Variants in LRRC4C observed in about 807,000 individuals in gnomAD.
LRRC4C encodes the protein leucine rich repeat containing 4C.
A neutral mutation model predicts 33.6 loss-of-function variants in LRRC4C; 5 were observed. The observed-to-expected ratio is 0.15, with a 90% CI of 0.08 to 0.31. The LOEUF (loss-of-function observed/expected upper bound fraction) is 0.31. Among genes scored for constraint, LRRC4C ranks in the 10% least tolerant of loss-of-function variants. LRRC4C has a pLI of 1.00. For missense variants in LRRC4C, 560 were observed against 796.7 expected, an observed-to-expected ratio of 0.70 and a Z score of 3.58; for synonymous variants, 329 against 302.0, an observed-to-expected ratio of 1.09 and a Z score of -0.93.
chr11:40,369,747 A>G (rs75136391), intron 3 of LRRC4C, among the ~76,000 whole-genome samples: 4,720 of 152,308 alleles, frequency 0.031, 230 homozygotes, highest in African/African-American at 0.1. Flanking sequence ...TTGTGGGATG[A>G]CTAGATTGAG....
At chr11:41,083,884 A>G (rs1939763514) in intron 1 of LRRC4C, among the ~76,000 whole-genome samples, 1 of 152,190 alleles carries the variant, frequency 6.6e-6, no homozygotes, top group South Asian at 2.1e-4. Flanking sequence ...TTTGGCAAAT[A>G]GGTAGAGAAT....
intron 2 of LRRC4C, among the ~76,000 whole-genome samples, chr11:40,828,462 C>A (rs551245663): frequency 8.3e-4 from 126 of 151,770 alleles, no homozygotes; most frequent in Non-Finnish European, 1.4e-3. Flanking sequence ...GGAACAAATT[C>A]TTTATATATA....
At chr11:40,241,834 C>A (rs551327916) in intron 4 of LRRC4C, 1 of 152,332 alleles carries the variant, frequency 6.6e-6, no homozygotes, top group Non-Finnish European at 1.5e-5. Context: ...CCACCACAGA[C>A]AAGCAAAGCA....
At chr11:40,680,753 T>C (rs1944646364) in intron 2 of LRRC4C, among the ~76,000 whole-genome samples, 2 of 152,218 alleles carry the variant, frequency 1.3e-5, no homozygotes, top group African/African-American at 2.4e-5. Flanking sequence ...CAATCTCAGG[T>C]ATGTCTTTAT....
intron 3 of LRRC4C, among the ~76,000 whole-genome samples, chr11:40,333,523 C>A (rs976543617): frequency 5.9e-5 from 9 of 151,904 alleles, no homozygotes; most frequent in African/African-American, 1.9e-4. Context: ...TCGAGACCAG[C>A]ATGGCCAACA....
At chr11:40,847,411 G>A (rs1283559148) in intron 2 of LRRC4C, among the ~76,000 whole-genome samples, 6 of 152,144 alleles carry the variant, frequency 3.9e-5, no homozygotes, top group Admixed American at 6.6e-5. Flanking sequence ...TAATCATGTG[G>A]TTTTTGTCAT....
intron 2 of LRRC4C, among the ~76,000 whole-genome samples, chr11:40,894,691 G>A (rs1312715959): frequency 6.6e-6 from 1 of 152,028 alleles, no homozygotes; most frequent in Admixed American, 6.6e-5. Flanking sequence ...AACCAAATAT[G>A]TGTGCATATG....
intron 3 of LRRC4C, among the ~76,000 whole-genome samples, chr11:40,551,875 T>C (rs1957139084): frequency 6.6e-6 from 1 of 152,200 alleles, no homozygotes; most frequent in African/African-American, 2.4e-5. Context: ...AATACACTGG[T>C]CTAAATGTTG....
At chr11:40,650,089 G>A (rs1479612935) in intron 2 of LRRC4C, among the ~76,000 whole-genome samples, 1 of 152,098 alleles carries the variant, frequency 6.6e-6, no homozygotes, top group Non-Finnish European at 1.5e-5. Flanking sequence ...TTGGCACTAG[G>A]CTAATGAAGA....
intron 6 of LRRC4C, among the ~76,000 whole-genome samples, chr11:40,139,462 T>C (rs76881433): frequency 0.019 from 2,910 of 152,316 alleles, 80 homozygotes; most frequent in African/African-American, 0.066. Context: ...TTTAAATCAT[T>C]AACTTCATGT....
At chr11:41,032,802 G>A (rs1332435330) in intron 1 of LRRC4C, among the ~76,000 whole-genome samples, 2 of 151,928 alleles carry the variant, frequency 1.3e-5, no homozygotes, top group Non-Finnish European at 2.9e-5. Flanking sequence ...TATGGTGAAT[G>A]CATTTGCTTT....
intron 2 of LRRC4C, among the ~76,000 whole-genome samples, chr11:40,878,320 A>T (rs548945474): frequency 6.6e-6 from 1 of 152,258 alleles, no homozygotes; most frequent in African/African-American, 2.4e-5. Flanking sequence ...TAGGGTTTTG[A>T]TATGAGTCTG....
At chr11:40,544,197 G>A (rs147102388) in intron 3 of LRRC4C, among the ~76,000 whole-genome samples, 2 of 152,074 alleles carry the variant, frequency 1.3e-5, no homozygotes, top group Admixed American at 6.6e-5. Flanking sequence ...GAACCAAAGG[G>A]CACCCACACT....
intron 1 of LRRC4C, among the ~76,000 whole-genome samples, chr11:41,413,356 G>A (rs1352830111): frequency 6.6e-6 from 1 of 152,176 alleles, no homozygotes; most frequent in Non-Finnish European, 1.5e-5. Context: ...AATTATGGGA[G>A]TTGGTCTAAG....
chr11:40,559,698 A>G (rs1353587119), intron 3 of LRRC4C, among the ~76,000 whole-genome samples: 1 of 152,032 alleles, frequency 6.6e-6, no homozygotes, highest in African/African-American at 2.4e-5. Flanking sequence ...TGACTTTTTA[A>G]TAGGTTTGAC....
chr11:40,206,371 G>C (rs1378722960), intron 5 of LRRC4C, among the ~76,000 whole-genome samples: 1 of 151,942 alleles, frequency 6.6e-6, no homozygotes, highest in Non-Finnish European at 1.5e-5. Context: ...GAGTACCTGG[G>C]ATTACAGGCA....
intron 2 of LRRC4C, among the ~76,000 whole-genome samples, chr11:40,873,087 G>A (rs1241333933): frequency 2.0e-5 from 3 of 152,148 alleles, no homozygotes; most frequent in East Asian, 3.9e-4. Flanking sequence ...TAGCAGCCTG[G>A]TGAAGTCCTC....
intron 2 of LRRC4C, among the ~76,000 whole-genome samples, chr11:40,694,302 T>C (rs996315940): frequency 2.6e-5 from 4 of 152,168 alleles, no homozygotes; most frequent in Non-Finnish European, 4.4e-5. Context: ...TGGGACAGCA[T>C]TGGAGAAAAT....
chr11:41,389,999 A>G (rs1322774018), intron 1 of LRRC4C, among the ~76,000 whole-genome samples: 1 of 151,958 alleles, frequency 6.6e-6, no homozygotes, highest in East Asian at 1.9e-4. Flanking sequence ...CATACTATTT[A>G]CCAAGATAAT....
Sources: allele counts gnomAD v4.1 joint callset (sites outside exome capture counted in the v4.1 genomes callset), GRCh38; gene constraint gnomAD v4.1.1; transcripts MANE v1.5; gene names NCBI Gene and HGNC (gene_info 2026-07-23, HGNC 2026-07-21).